Variants in ATXN1 observed in about 807,000 individuals in gnomAD.
The protein encoded by ATXN1 is ataxin 1, also known as ataxin-1.
Under a neutral mutation model 56.4 loss-of-function variants are expected in ATXN1, and 8 were observed. The observed-to-expected ratio is 0.14, with a 90% CI of 0.08 to 0.26. The LOEUF (loss-of-function observed/expected upper bound fraction) is 0.26, where lower values mean the gene tolerates loss of function less well. Ranked by LOEUF, ATXN1 falls within the 10% of genes least tolerant of loss-of-function variation. The pLI is 1.00. For missense variants in ATXN1, 987 were observed against 1,106.5 expected, an observed-to-expected ratio of 0.89 and a Z score of 1.53; for synonymous variants, 514 against 494.6, an observed-to-expected ratio of 1.04 and a Z score of -0.52.
intron 2 of ATXN1, among the ~76,000 whole-genome samples, chr6:16,684,126 CCTT>C (rs1255602996): frequency 6.6e-6 from 1 of 152,178 alleles, no homozygotes; most frequent in Non-Finnish European, 1.5e-5. Flanking sequence ...TATTGTCAAA[CCTT>C]CTTGGGATAC....
intron 3 of ATXN1, among the ~76,000 whole-genome samples, chr6:16,655,406 C>T (rs561275191): frequency 2.6e-5 from 4 of 152,142 alleles, no homozygotes; most frequent in Non-Finnish European, 5.9e-5. Flanking sequence ...CCTGTAGTCT[C>T]GGCTACTGGT....
intron 3 of ATXN1, among the ~76,000 whole-genome samples, chr6:16,600,448 T>C (rs1997716): frequency 0.73 from 110,374 of 152,128 alleles, 40,228 homozygotes; most frequent in Admixed American, 0.84. Flanking sequence ...GAATGTTCAA[T>C]GCTAATCAAA....
rs1760901535 is a variant in ATXN1 at position 16,328,451 on chromosome 6, GC to G, written c.-142del. On this transcript the variant is annotated 5_prime_UTR_variant, in exon 7 of 8. It removes the in-frame stop codon of an upstream open reading frame in the 5' UTR. Transcript: ENST00000436367. The surrounding 1 kb of genome is among the most constrained non-coding windows in gnomAD (Gnocchi z 6.2). ...AATCATCTCCCCGTGGGTACAATCC[GC>G]CAACAGCAGCTCTGGATGCTGGGAA... 1 of 1,296,624 alleles carries G rather than the reference GC, an allele frequency of 7.7e-7. No homozygotes were observed. The highest frequency in any genetic ancestry group is 9.8e-7 in the Non-Finnish European group (1 of 1,017,102). 80.3% of individuals were successfully genotyped at this position (1,296,624 alleles called of 1,614,324 possible).
At chr6:16,632,928 T>G (rs1581313782) in intron 3 of ATXN1, among the ~76,000 whole-genome samples, 1 of 148,714 alleles carries the variant, frequency 6.7e-6, no homozygotes, top group African/African-American at 2.5e-5. Context: ...ACCTGGGAGG[T>G]GGAGGTTGCA....
chr6:16,509,553 A>G (rs891646579), intron 5 of ATXN1, among the ~76,000 whole-genome samples: 4 of 152,056 alleles, frequency 2.6e-5, no homozygotes, highest in Non-Finnish European at 5.9e-5. Flanking sequence ...GCCCCTGGAC[A>G]CCTTCTGATC....
intron 4 of ATXN1, among the ~76,000 whole-genome samples, chr6:16,550,048 G>C (rs1481577795): frequency 6.6e-6 from 1 of 150,862 alleles, no homozygotes; most frequent in African/African-American, 2.4e-5. Flanking sequence ...CTAGATGACA[G>C]GTTAATAGGT....
chr6:16,404,553 GTTCCTGTCACGCTCAGC>G lies in ATXN1; in HGVS notation c.-160-76100_-160-76084del, dbSNP rs1209384518. Among the ~76,000 whole-genome samples, 9 of 152,154 alleles carry G rather than the reference GTTCCTGTCACGCTCAGC, an allele frequency of 5.9e-5. No individual in the cohort carries two copies. The South Asian group carries it at 8.3e-4, about 14-fold the overall frequency. ...GAGGGGGCATTTTGACACCCTTGGG[GTTCCTGTCACGCTCAGC>G]TTCCTGCTCGACTTTTACCAGAGTC... On this transcript the variant is annotated intron_variant, in intron 6 of 7. Coordinates refer to ENST00000436367, the MANE Select transcript of ATXN1 (RefSeq NM_001128164.2).
At chr6:16,492,694 GCT>G (rs752794571) in intron 5 of ATXN1, among the ~76,000 whole-genome samples, 1 of 150,744 alleles carries the variant, frequency 6.6e-6, no homozygotes. Context: ...GCAGTTTTTT[GCT>G]CTCTCTGTTC....
chr6:16,347,007 T>C (rs1315365144), intron 6 of ATXN1, among the ~76,000 whole-genome samples: 1 of 152,216 alleles, frequency 6.6e-6, no homozygotes, highest in Non-Finnish European at 1.5e-5. Context: ...CCTAGGGCAG[T>C]GAGGGGCTTA....
At chr6:16,426,753 G>GT (rs1033612445) in intron 6 of ATXN1, among the ~76,000 whole-genome samples, 1 of 151,560 alleles carries the variant, frequency 6.6e-6, no homozygotes, top group African/African-American at 2.4e-5. Context: ...TCTCTGTCTT[G>GT]TTTTTTCCTT....
At chr6:16,612,155 G>C (rs12197536) in intron 3 of ATXN1, among the ~76,000 whole-genome samples, 1 of 151,732 alleles carries the variant, frequency 6.6e-6, no homozygotes, top group South Asian at 2.1e-4. Flanking sequence ...CACCGCGCCC[G>C]GCCAGCAGAT....
chr6:16,701,385 G>A (rs183665909), intron 2 of ATXN1, among the ~76,000 whole-genome samples: 57 of 152,322 alleles, frequency 3.7e-4, no homozygotes, highest in Middle Eastern at 6.8e-3. Flanking sequence ...GGGCAGAGAA[G>A]GGGAGAAGGA....
chr6:16,603,849 C>T (rs1233088612), intron 3 of ATXN1, among the ~76,000 whole-genome samples: 1 of 152,032 alleles, frequency 6.6e-6, no homozygotes, highest in Non-Finnish European at 1.5e-5. Flanking sequence ...AGGACAGTGG[C>T]AGAAGATTGA....
At chr6:16,441,019 G>A (rs1303357679) in intron 6 of ATXN1, among the ~76,000 whole-genome samples, 1 of 152,116 alleles carries the variant, frequency 6.6e-6, no homozygotes. Context: ...GGTCCTTACG[G>A]CACGGTCAGC....
chr6:16,319,373 G>A (rs1275359125), intron 7 of ATXN1, among the ~76,000 whole-genome samples: 4 of 152,226 alleles, frequency 2.6e-5, no homozygotes, highest in East Asian at 3.8e-4. Context: ...GATTCCAACT[G>A]CATGGCATTC....
At chr6:16,624,354 GAAAAAAA>G (rs58614013) in intron 3 of ATXN1, among the ~76,000 whole-genome samples, 1 of 109,270 alleles carries the variant, frequency 9.2e-6, no homozygotes, top group Non-Finnish European at 2.1e-5. Flanking sequence ...TTTGTCTCAA[GAAAAAAA>G]AAAAAAAAAA....
chr6:16,413,561 A>G (rs1310390622), intron 6 of ATXN1, among the ~76,000 whole-genome samples: 1 of 152,200 alleles, frequency 6.6e-6, no homozygotes, highest in Non-Finnish European at 1.5e-5. Context: ...TGAATGGATG[A>G]GTGAATGTGA....
At chr6:16,729,383 G>A (rs905033691) in intron 2 of ATXN1, among the ~76,000 whole-genome samples, 1 of 152,168 alleles carries the variant, frequency 6.6e-6, no homozygotes, top group Non-Finnish European at 1.5e-5. Context: ...AGCGTTCGCT[G>A]GCTTTCTTTG....
Position 16,328,904 on chromosome 6 carries a change from G to A in ATXN1, c.-160-434C>T, listed in dbSNP as rs1760915175. Among the ~76,000 whole-genome samples, 1 of 152,086 alleles carries A rather than the reference G, an allele frequency of 6.6e-6. No homozygotes were observed. Among genetic ancestry groups the A allele is most frequent in the Non-Finnish European group, 1.5e-5 (1 of 68,024 alleles). On this transcript the variant is annotated intron_variant, in intron 6 of 7. Coordinates refer to ENST00000436367, the MANE Select transcript of ATXN1 (RefSeq NM_001128164.2). This position sits in a 1 kb window ranked among gnomAD's most constrained non-coding sequence, Gnocchi z 6.2. ...ATTGCACCATTGTACTCCAGCCTGG[G>A]CAACAGAGCGACACTCTGTCTCCAA...
Sources: gnomAD v4.1 joint callset for allele counts (sites outside exome capture counted in the v4.1 genomes callset) on GRCh38, gnomAD v4.1.1 for gene constraint, Gnocchi (gnomAD v3.1) non-coding constraint, MANE v1.5 for transcripts, NCBI Gene and HGNC (gene_info 2026-07-23, HGNC 2026-07-21) for gene names.